Variants in TCERG1L observed in about 807,000 individuals in gnomAD.
The protein encoded by TCERG1L is transcription elongation regulator 1 like, also known as transcription elongation regulator 1-like protein.
A neutral mutation model predicts 56.3 loss-of-function variants in TCERG1L; 37 were observed. The ratio of observed to expected loss-of-function variants is 0.66; its 90% CI spans 0.51 to 0.87. TCERG1L has a LOEUF of 0.87. Ranked by LOEUF, TCERG1L falls within the 40% of genes least tolerant of loss-of-function variation. The pLI is 0.00. For missense variants in TCERG1L, 799 were observed against 774.2 expected, an observed-to-expected ratio of 1.03 and a Z score of -0.38; for synonymous variants, 324 against 326.3, an observed-to-expected ratio of 0.99 and a Z score of 0.08.
chr10:131,174,103 C>T (rs951491589), intron 4 of TCERG1L, among the ~76,000 whole-genome samples: 24 of 152,160 alleles, frequency 1.6e-4, no homozygotes, highest in Non-Finnish European at 5.9e-5. Context: ...CACATCTCAC[C>T]ACAGGATGTA....
At chr10:131,119,598 C>A (rs1845493463) in intron 8 of TCERG1L, among the ~76,000 whole-genome samples, 1 of 152,220 alleles carries the variant, frequency 6.6e-6, no homozygotes, top group South Asian at 2.1e-4. Flanking sequence ...TTATTCAGCA[C>A]AATACTCTGT....
At chr10:131,108,573 C>T (rs1219509046) in intron 9 of TCERG1L, among the ~76,000 whole-genome samples, 1 of 152,188 alleles carries the variant, frequency 6.6e-6, no homozygotes, top group African/African-American at 2.4e-5. Flanking sequence ...AGGCGGCTGA[C>T]CAGTGCCCAG....
chr10:131,093,829 G>A (rs1223093529), intron 11 of TCERG1L, among the ~76,000 whole-genome samples: 2 of 152,136 alleles, frequency 1.3e-5, no homozygotes, highest in African/African-American at 4.8e-5. Context: ...AGAGAACTGT[G>A]ACTCCATCAC....
chr10:131,268,491 C>T (rs1240093768), intron 3 of TCERG1L, among the ~76,000 whole-genome samples: 1 of 152,186 alleles, frequency 6.6e-6, no homozygotes, highest in Admixed American at 6.5e-5. Flanking sequence ...GGCCCCTAAC[C>T]AGATAGTCAT....
chr10:131,275,552 C>T (rs1194912207), intron 3 of TCERG1L, among the ~76,000 whole-genome samples: 3 of 152,100 alleles, frequency 2.0e-5, no homozygotes, highest in African/African-American at 4.8e-5. Flanking sequence ...TACCTGGTAA[C>T]GTAAATGTCC....
intron 1 of TCERG1L, among the ~76,000 whole-genome samples, chr10:131,309,818 C>A (rs1028928305): frequency 1.8e-4 from 12 of 64,942 alleles, no homozygotes; most frequent in Non-Finnish European, 2.8e-4. Context: ...TTCACCAATA[C>A]AAATAGATTC....
intron 3 of TCERG1L, among the ~76,000 whole-genome samples, chr10:131,273,036 G>C (rs1274166700): frequency 1.3e-5 from 2 of 152,218 alleles, no homozygotes; most frequent in African/African-American, 4.8e-5. Context: ...TCTTCAGACA[G>C]AGCAGCAGGG....
At chr10:131,181,628 C>T (rs969254110) in intron 4 of TCERG1L, among the ~76,000 whole-genome samples, 8 of 152,238 alleles carry the variant, frequency 5.3e-5, no homozygotes, top group African/African-American at 1.9e-4. Context: ...CATCTGCTGC[C>T]AGCGTCTGCC....
chr10:131,232,630 A>G (rs1845864832), intron 4 of TCERG1L, among the ~76,000 whole-genome samples: 1 of 152,240 alleles, frequency 6.6e-6, no homozygotes, highest in African/African-American at 2.4e-5. Flanking sequence ...TTGCAATGTG[A>G]AAATTTCCAA....
intron 3 of TCERG1L, among the ~76,000 whole-genome samples, chr10:131,279,030 C>A (rs1846425245): frequency 1.3e-5 from 2 of 152,216 alleles, no homozygotes; most frequent in African/African-American, 2.4e-5. Flanking sequence ...GCTCCAGAAG[C>A]CCGGAAACCT....
In TCERG1L at chr10:131,311,208, C is replaced by T. The variant is rs1307873124; in HGVS notation, c.342+86G>A. 1 of 1,079,900 alleles carries T rather than the reference C, an allele frequency of 9.3e-7. No homozygotes were observed. Among genetic ancestry groups the T allele is most frequent in the Non-Finnish European group, 1.2e-6 (1 of 866,040 alleles). 66.9% of individuals were successfully genotyped at this position (1,079,900 alleles called of 1,614,324 possible). ...ACCGCCGGGGAGGAGGGCGCGCGAGCCGGAGGCCAGAGCCGGGCCGGGCAG... is the reference window on the plus strand; with the variant it reads ...ACCGCCGGGGAGGAGGGCGCGCGAGTCGGAGGCCAGAGCCGGGCCGGGCAG... On this transcript the variant is annotated intron_variant, in intron 1 of 11. Coordinates refer to ENST00000368642, the MANE Select transcript of TCERG1L (RefSeq NM_174937.4). This position sits in a 1 kb window ranked among gnomAD's most constrained non-coding sequence, Gnocchi z 4.0.
intron 4 of TCERG1L, among the ~76,000 whole-genome samples, chr10:131,232,826 G>A (rs1169695738): frequency 3.3e-5 from 5 of 152,108 alleles, no homozygotes; most frequent in African/African-American, 9.7e-5. Flanking sequence ...TGCCCTGAAA[G>A]CTCCCCCCAA....
At chr10:131,258,787 C>T (rs1478704354) in intron 4 of TCERG1L, among the ~76,000 whole-genome samples, 2 of 152,236 alleles carry the variant, frequency 1.3e-5, no homozygotes, top group East Asian at 3.9e-4. Flanking sequence ...AAAAGGCAAA[C>T]AAGAGAAGAT....
chr10:131,147,140 C>T (rs1396118885), intron 6 of TCERG1L, among the ~76,000 whole-genome samples: 2 of 152,178 alleles, frequency 1.3e-5, no homozygotes, highest in African/African-American at 4.8e-5. Context: ...CCGGCAGCAG[C>T]AGAATTAAAA....
At position 131,226,956 on chromosome 10, in the gene TCERG1L, G is replaced by A. The variant is rs577869871; in HGVS notation, c.856+33303C>T. 9.2e-5 allele frequency among the ~76,000 whole-genome samples: 14 copies of A among 152,356 alleles called. No homozygotes were observed. In the South Asian group the frequency reaches 2.5e-3, roughly 27 times the overall value. On this transcript the variant is annotated intron_variant, in intron 4 of 11. Transcript: ENST00000368642. ...CCTCCTGGAGTCGCTGTCAGCTCCC[G>A]CAGCACGAGAGCAGCTGCTCAGGGC...
intron 7 of TCERG1L, among the ~76,000 whole-genome samples, chr10:131,141,950 C>T (rs1387222591): frequency 2.0e-5 from 3 of 152,172 alleles, no homozygotes; most frequent in African/African-American, 7.2e-5. Context: ...TCCCTTGCAC[C>T]GGCTGCCCTG....
intron 7 of TCERG1L, among the ~76,000 whole-genome samples, chr10:131,138,198 G>A (rs951680255): frequency 2.6e-5 from 4 of 152,168 alleles, no homozygotes; most frequent in African/African-American, 9.7e-5. Context: ...GAACCCGGGA[G>A]AGTTCAATTT....
intron 3 of TCERG1L, among the ~76,000 whole-genome samples, chr10:131,271,524 T>C (rs1454974035): frequency 2.0e-5 from 3 of 152,224 alleles, no homozygotes; most frequent in African/African-American, 7.2e-5. Flanking sequence ...GCCCAAGGGA[T>C]GCTCACCCAA....
intron 4 of TCERG1L, among the ~76,000 whole-genome samples, chr10:131,188,234 T>C (rs1490286225): frequency 2.0e-5 from 3 of 152,206 alleles, no homozygotes; most frequent in African/African-American, 4.8e-5. Flanking sequence ...ATTAGTCTCA[T>C]TGATGGCGAG....
Sources: gnomAD v4.1 joint callset for allele counts (sites outside exome capture counted in the v4.1 genomes callset) on GRCh38, gnomAD v4.1.1 for gene constraint, Gnocchi (gnomAD v3.1) non-coding constraint, MANE v1.5 for transcripts, NCBI Gene and HGNC (gene_info 2026-07-23, HGNC 2026-07-21) for gene names.